Variants in ZNF600 observed in about 807,000 individuals in gnomAD.
The protein encoded by ZNF600 is zinc finger protein 600, also known as zinc finger protein KR-ZNF1.
ZNF600 carries 4 observed loss-of-function variants against 7.3 expected under a neutral mutation model. The ratio of observed to expected loss-of-function variants is 0.55; its 90% CI spans 0.27 to 1.25. The LOEUF (loss-of-function observed/expected upper bound fraction) is 1.25, where lower values mean the gene tolerates loss of function less well. Ranked by LOEUF, ZNF600 falls within the 50% of genes most tolerant of loss-of-function variation. The probability of loss-of-function intolerance (pLI) is 0.12; values close to 1 mark genes in which losing one functional copy is unlikely to be tolerated. For synonymous variants in ZNF600, 290 were observed against 308.9 expected, an observed-to-expected ratio of 0.94 and a Z score of 0.64; for missense variants, 911 against 922.1, an observed-to-expected ratio of 0.99 and a Z score of 0.16.
chr19:52,808,237 T>A, the ZNF600 span: 1 of 1,539,772 alleles, frequency 6.5e-7, no homozygotes, highest in South Asian at 1.3e-5. Flanking sequence ...TAGTGAATGT[T>A]CTCACAAATC....
chr19:52,783,650 T>C (rs569027898), intron 1 of ZNF600, among the ~76,000 whole-genome samples: 44 of 152,214 alleles, frequency 2.9e-4, no homozygotes, highest in Middle Eastern at 3.4e-3. Flanking sequence ...CGTGAGCCAC[T>C]GCACCTGGCC....
the ZNF600 span, among the ~76,000 whole-genome samples, chr19:52,802,761 CTTTTT>C: frequency 7.8e-6 from 1 of 127,580 alleles, no homozygotes; most frequent in Admixed American, 7.9e-5. Flanking sequence ...CACGTTGTGA[CTTTTT>C]TTTTTTTTTT....
At chr19:52,778,993 C>A (rs377398149) in intron 1 of ZNF600, 86 bp from the exon 4 acceptor site, 5 of 1,295,730 alleles carry the variant, frequency 3.9e-6, no homozygotes, top group Admixed American at 4.9e-5. Flanking sequence ...GGAGACCTCA[C>A]CCAGCAGAAA....
At chr19:52,808,314 C>G in the ZNF600 span, among the ~76,000 whole-genome samples, 1 of 152,082 alleles carries the variant, frequency 6.6e-6, no homozygotes. Context: ...GACACACTTT[C>G]AGTATGAAAT....
At chr19:52,810,048 G>C in the ZNF600 span, 25 of 738,220 alleles carry the variant, frequency 3.4e-5, no homozygotes, top group Non-Finnish European at 4.9e-6. Context: ...CCAGCCCCGC[G>C]CCCCATGCCT....
intron 2 of ZNF600, among the ~76,000 whole-genome samples, chr19:52,778,346 C>A (rs1033005614): frequency 3.3e-5 from 5 of 151,894 alleles, no homozygotes; most frequent in African/African-American, 7.3e-5. Context: ...AGTTTGGAAT[C>A]ACAGACATCT....
chr19:52,823,955 C>T, the ZNF600 span, among the ~76,000 whole-genome samples: 6 of 151,824 alleles, frequency 4.0e-5, no homozygotes, highest in East Asian at 1.9e-4. Flanking sequence ...CCCAGCTACT[C>T]GGGAGGCTGA....
At chr19:52,818,040 T>G in the ZNF600 span, 1 of 1,595,550 alleles carries the variant, frequency 6.3e-7, no homozygotes, top group South Asian at 1.1e-5. Flanking sequence ...TCCTGAATGT[T>G]AAAAATATGT....
At chr19:52,818,956 T>C in the ZNF600 span, among the ~76,000 whole-genome samples, 3 of 139,844 alleles carry the variant, frequency 2.1e-5, 1 homozygote, top group Non-Finnish European at 4.5e-5. Context: ...AGTAATGTGA[T>C]AGACACTGAT....
the ZNF600 span, among the ~76,000 whole-genome samples, chr19:52,822,220 A>C: frequency 6.6e-6 from 1 of 151,226 alleles, no homozygotes; most frequent in African/African-American, 2.4e-5. Flanking sequence ...CTACAGGCAC[A>C]CCCACCATGC....
At chr19:52,779,830 C>CTTG in intron 1 of ZNF600, among the ~76,000 whole-genome samples, 1 of 152,084 alleles carries the variant, frequency 6.6e-6, no homozygotes, top group Non-Finnish European at 1.5e-5. Flanking sequence ...CACTTGGGGT[C>CTTG]AAGAGGTGGA....
intron 3 of ZNF600, among the ~76,000 whole-genome samples, chr19:52,769,492 C>T (rs1422272188): frequency 1.3e-5 from 2 of 152,206 alleles, no homozygotes; most frequent in African/African-American, 4.8e-5. Context: ...ACAGGTGACC[C>T]ACGTGACCTT....
At chr19:52,822,269 G>C in the ZNF600 span, among the ~76,000 whole-genome samples, 9 of 151,578 alleles carry the variant, frequency 5.9e-5, no homozygotes, top group African/African-American at 1.9e-4. Flanking sequence ...ACAGGATTTC[G>C]CCATGTTGGA....
chr19:52,781,322 T>C (rs928494627), intron 1 of ZNF600: 7 of 152,160 alleles, frequency 4.6e-5, no homozygotes, highest in African/African-American at 9.7e-5. Flanking sequence ...CTCACCTCTA[T>C]GTTACAGGTG....
exon 4 of ZNF600, chr19:52,766,151 G>A: frequency 6.2e-7 from 1 of 1,614,048 alleles, no homozygotes; most frequent in Non-Finnish European, 8.5e-7. Context: ...ACCTCTGACT[G>A]AAGGTCTTGC....
upstream of ZNF600, among the ~76,000 whole-genome samples, chr19:52,788,258 C>G (rs532436918): frequency 1.3e-5 from 2 of 152,276 alleles, no homozygotes; most frequent in Non-Finnish European, 2.9e-5. Flanking sequence ...TTCAGACTCA[C>G]AGAAGACTGG....
chr19:52,823,866 C>T, the ZNF600 span, among the ~76,000 whole-genome samples: 3 of 151,884 alleles, frequency 2.0e-5, no homozygotes, highest in Non-Finnish European at 2.9e-5. Flanking sequence ...AGTTGGAGAC[C>T]GGCCTGACCA....
At chr19:52,806,355 G>A in the ZNF600 span, among the ~76,000 whole-genome samples, 1 of 151,890 alleles carries the variant, frequency 6.6e-6, no homozygotes, top group African/African-American at 2.4e-5. Context: ...CACGGCGCCT[G>A]GCTAATTTTT....
chr19:52,766,926 T>C (rs1419552966), exon 4 of ZNF600: 1 of 1,614,180 alleles, frequency 6.2e-7, no homozygotes, highest in Non-Finnish European at 8.5e-7. Context: ...GTCACATTCA[T>C]TACACTTGTA....
Sources: allele counts gnomAD v4.1 joint callset (sites outside exome capture counted in the v4.1 genomes callset), GRCh38; gene constraint gnomAD v4.1.1; transcripts MANE v1.5; gene names NCBI Gene and HGNC (gene_info 2026-07-23, HGNC 2026-07-21).